Variants in BNC2 observed in about 807,000 individuals in gnomAD.
The protein encoded by BNC2 is zinc finger protein basonuclin-2.
BNC2 carries 20 observed loss-of-function variants against 76.3 expected under a neutral mutation model. That is an observed-to-expected ratio of 0.26 (90% CI 0.18 to 0.38). The LOEUF (loss-of-function observed/expected upper bound fraction) is 0.38, where lower values mean the gene tolerates loss of function less well. Ranked by LOEUF, BNC2 falls within the 10% of genes least tolerant of loss-of-function variation. The probability of loss-of-function intolerance (pLI) is 1.00; values close to 1 mark genes in which losing one functional copy is unlikely to be tolerated. For synonymous variants in BNC2, 582 were observed against 514.8 expected (o/e 1.13, Z -1.77); for missense variants, 1,382 against 1,399.8 (o/e 0.99, Z 0.20).
intron 3 of BNC2, among the ~76,000 whole-genome samples, chr9:16,619,086 C>T (rs536748612): frequency 6.6e-5 from 10 of 152,220 alleles, no homozygotes; most frequent in African/African-American, 2.2e-4. Context: ...TCTCTATCCC[C>T]TGGGGACTTA....
chr9:16,682,097 C>T (rs189482344), intron 3 of BNC2, among the ~76,000 whole-genome samples: 22 of 151,696 alleles, frequency 1.5e-4, no homozygotes, highest in Middle Eastern at 3.4e-3. Flanking sequence ...AAGGAAACAA[C>T]CTTTTTTTAA....
At chr9:16,757,460 G>C (rs61394737) in intron 1 of BNC2, among the ~76,000 whole-genome samples, 1 of 152,096 alleles carries the variant, frequency 6.6e-6, no homozygotes, top group East Asian at 1.9e-4. Context: ...ATAAACCCTT[G>C]AGCAATTTCT....
chr9:16,764,072 A>C (rs774170766), intron 1 of BNC2, among the ~76,000 whole-genome samples: 28 of 152,194 alleles, frequency 1.8e-4, no homozygotes, highest in Non-Finnish European at 3.5e-4. Flanking sequence ...TCCTAATAAA[A>C]GTTAACATTG....
At chr9:16,481,279 A>G (rs1408828382) in intron 5 of BNC2, among the ~76,000 whole-genome samples, 2 of 152,036 alleles carry the variant, frequency 1.3e-5, no homozygotes, top group African/African-American at 2.4e-5. Context: ...CACATAAGAG[A>G]ATAAAAGCAG....
At chr9:16,826,063 C>T (rs762141645) in intron 1 of BNC2, among the ~76,000 whole-genome samples, 7 of 152,186 alleles carry the variant, frequency 4.6e-5, no homozygotes, top group Non-Finnish European at 2.9e-5. Context: ...CCTGATGGAA[C>T]TGAATGCATT....
intron 1 of BNC2, among the ~76,000 whole-genome samples, chr9:16,750,299 CT>C (rs1377051033): frequency 1.3e-5 from 2 of 152,070 alleles, no homozygotes; most frequent in Non-Finnish European, 2.9e-5. Context: ...ATATTTCTAC[CT>C]AAAAATATTT....
intron 3 of BNC2, among the ~76,000 whole-genome samples, chr9:16,612,284 G>A (rs1820570395): frequency 6.6e-6 from 1 of 152,058 alleles, no homozygotes; most frequent in South Asian, 2.1e-4. Context: ...TTTTCCAAGT[G>A]TTCATATTCA....
chr9:16,867,079 TAC>T (rs1819561595), intron 1 of BNC2, among the ~76,000 whole-genome samples: 1 of 152,168 alleles, frequency 6.6e-6, no homozygotes, highest in African/African-American at 2.4e-5. Context: ...GATTAAACCA[TAC>T]GACATAAATT....
At chr9:16,585,837 T>C (rs974041576) in intron 3 of BNC2, among the ~76,000 whole-genome samples, 1 of 152,082 alleles carries the variant, frequency 6.6e-6, no homozygotes, top group Non-Finnish European at 1.5e-5. Context: ...GCTGCCTCCA[T>C]TCAGCTCATG....
At chr9:16,679,773 G>C (rs1822767802) in intron 3 of BNC2, among the ~76,000 whole-genome samples, 1 of 152,244 alleles carries the variant, frequency 6.6e-6, no homozygotes, top group Admixed American at 6.5e-5. Flanking sequence ...AAATGCATTA[G>C]CAAGGGCACA....
At chr9:16,486,669 C>T (rs375990119) in intron 5 of BNC2, among the ~76,000 whole-genome samples, 6 of 152,152 alleles carry the variant, frequency 3.9e-5, no homozygotes, top group African/African-American at 1.4e-4. Flanking sequence ...TAAAGTTCTC[C>T]TGGGTTTCTA....
At chr9:16,510,089 T>G (rs552082807) in intron 5 of BNC2, among the ~76,000 whole-genome samples, 1 of 152,354 alleles carries the variant, frequency 6.6e-6, no homozygotes, top group Non-Finnish European at 1.5e-5. Context: ...TCTGCAAGGC[T>G]ATGAGTCATA....
intron 5 of BNC2, among the ~76,000 whole-genome samples, chr9:16,508,065 G>A (rs1205705112): frequency 6.6e-6 from 1 of 152,164 alleles, no homozygotes; most frequent in Non-Finnish European, 1.5e-5. Context: ...TACTTTCTCT[G>A]CCACAAGGAA....
chr9:16,520,520 A>C (rs1321572341), intron 5 of BNC2, among the ~76,000 whole-genome samples: 1 of 152,166 alleles, frequency 6.6e-6, no homozygotes, highest in East Asian at 1.9e-4. Flanking sequence ...TTCACTACCT[A>C]AATCTGTCTT....
chr9:16,589,489 A>C (rs980355154), intron 3 of BNC2, among the ~76,000 whole-genome samples: 2 of 88,216 alleles, frequency 2.3e-5, no homozygotes, highest in South Asian at 9.0e-4. Flanking sequence ...CCTGGCCTAA[A>C]AGCCATTTTT....
At chr9:16,818,127 G>A (rs538883150) in intron 1 of BNC2, among the ~76,000 whole-genome samples, 10 of 152,248 alleles carry the variant, frequency 6.6e-5, no homozygotes, top group South Asian at 2.1e-4. Flanking sequence ...AATTTAGGCC[G>A]GGCACGGTGG....
chr9:16,751,612 A>ATATATATATG (rs369392436), intron 1 of BNC2, among the ~76,000 whole-genome samples: 18 of 140,888 alleles, frequency 1.3e-4, no homozygotes, highest in Admixed American at 2.9e-4. Flanking sequence ...ACAAATATAT[A>ATATATATATG]TATGTGTATA....
intron 3 of BNC2, among the ~76,000 whole-genome samples, chr9:16,640,644 G>A (rs1056609696): frequency 2.0e-5 from 3 of 152,148 alleles, no homozygotes; most frequent in African/African-American, 7.2e-5. Flanking sequence ...GTGAGGGATG[G>A]TTTGCCGTAT....
At chr9:16,798,855 G>A (rs1023651225) in intron 1 of BNC2, among the ~76,000 whole-genome samples, 4 of 151,792 alleles carry the variant, frequency 2.6e-5, no homozygotes, top group African/African-American at 9.7e-5. Context: ...ACAAGTAATG[G>A]CAACAATGGT....
Sources: gnomAD v4.1 joint callset for allele counts (sites outside exome capture counted in the v4.1 genomes callset) on GRCh38, gnomAD v4.1.1 for gene constraint, MANE v1.5 for transcripts, NCBI Gene and HGNC (gene_info 2026-07-23, HGNC 2026-07-21) for gene names.